The following ECT2 variants were observed in gnomAD, a reference collection of about 807,000 sequenced individuals.
ECT2 encodes epithelial cell transforming 2, also known as protein ECT2.
Under a neutral mutation model 116.9 loss-of-function variants are expected in ECT2, and 61 were observed. The observed-to-expected ratio is 0.52, with a 90% CI of 0.42 to 0.65. The LOEUF is 0.65. Ranked by LOEUF, ECT2 falls within the 30% of genes least tolerant of loss-of-function variation. The pLI, the probability that ECT2 is intolerant of heterozygous loss-of-function variation, is 0.00. For missense variants in ECT2, 937 were observed against 1,078.7 expected, an observed-to-expected ratio of 0.87 and a Z score of 1.84; for synonymous variants, 358 against 346.4, an observed-to-expected ratio of 1.03 and a Z score of -0.37.
At chr3:172,824,890 C>CA (rs71162316), downstream of ECT2, among the ~76,000 whole-genome samples, 1 of 150,848 alleles carries the variant, frequency 6.6e-6, no homozygotes, top group South Asian at 2.1e-4. Flanking sequence ...GCAAAACAAA[C>CA]AAAAAAACTA....
chr3:172,785,660 A>G (rs1157630686), intron 17 of ECT2, among the ~76,000 whole-genome samples: 1 of 152,186 alleles, frequency 6.6e-6, no homozygotes, highest in Non-Finnish European at 1.5e-5. Context: ...TATTTTCTGT[A>G]AAAATCTTGG....
At chr3:172,791,015 T>A (rs1028024096) in intron 18 of ECT2, among the ~76,000 whole-genome samples, 4 of 152,128 alleles carry the variant, frequency 2.6e-5, no homozygotes, top group Admixed American at 6.5e-5. Context: ...ATTAGCTGGG[T>A]GTGATGATGC....
At chr3:172,760,086 G>C in intron 6 of ECT2, 70 bp from the exon 7 acceptor site, 1 of 886,632 alleles carries the variant, frequency 1.1e-6, no homozygotes, top group Non-Finnish European at 1.7e-6. Flanking sequence ...TGCTAAATGT[G>C]GGGTAAACAT....
Position 172,786,544 on chromosome 3 carries a change from A to G in ECT2, c.1877A>G (p.Lys626Arg), listed in dbSNP as rs1723637938. 1 of 1,610,904 alleles carries G rather than the reference A, an allele frequency of 6.2e-7. No homozygotes were observed. The highest frequency in any genetic ancestry group is 8.5e-7 in the Non-Finnish European group (1 of 1,177,994). The part of the protein sequence containing the change: ...DENPDKSTLE[K>R]AIGSLKEVMT... ...AATCCAGACAAAAGCACTTTAGAAA[A>G]AGCTATTGGATCACTGAAGGAAGTA... is the stretch of plus-strand genomic sequence containing the variant. Residue 626 changes from lysine to arginine, a missense_variant, in exon 18 of 25, where the codon AAA becomes AGA. Lys to Arg is a conservative substitution (Grantham distance 26). Coordinates refer to ENST00000392692, the MANE Select transcript of ECT2 (RefSeq NM_001258315.2).
chr3:172,783,751 G>T, intron 15 of ECT2, 48 bp from the exon 16 acceptor site: 1 of 1,212,516 alleles, frequency 8.2e-7, no homozygotes, highest in South Asian at 1.3e-5. Context: ...TTGTCTCTAA[G>T]GGTGACAAAT....
At chr3:172,760,432 CTTTCTTTTCT>C (rs201951082) in intron 7 of ECT2, among the ~76,000 whole-genome samples, 169 bp downstream of exon 7, 18 of 151,672 alleles carry the variant, frequency 1.2e-4, no homozygotes, top group Non-Finnish European at 2.1e-4. Context: ...GTTAAATTTT[CTTTCTTTTCT>C]TTTCTTTTCT....
intron 18 of ECT2, among the ~76,000 whole-genome samples, chr3:172,797,281 G>C (rs13060628): frequency 7.3e-5 from 11 of 151,472 alleles, no homozygotes; most frequent in Non-Finnish European, 1.0e-4. Context: ...GCAATCCACC[G>C]GCCTAGGTCT....
intron 21 of ECT2, 79 bp from the exon 22 acceptor site, chr3:172,807,691 C>A: frequency 1.4e-6 from 2 of 1,468,062 alleles, no homozygotes; most frequent in South Asian, 1.4e-5. Context: ...TTTCATTGCT[C>A]TGAGGGAACT....
rs779109199 is a variant in ECT2, at chr3:172,802,923, G to T, written c.2049G>T (p.Glu683Asp). ...GGGTTGAAACAATTTCTCTAGGTGA[G>T]CACCCCTGTGACAGAGGAGAACAAG... ...VQRVETISLG[E>D]HPCDRGEQVT... The change falls in exon 20 of 25, where the codon GAG (glutamate) becomes GAT (aspartate). Residue 683 changes from glutamate to aspartate, a missense_variant. By Grantham distance (45) the Glu-to-Asp change is conservative. Transcript: ENST00000392692. 8 of 1,613,074 alleles carry T rather than the reference G, an allele frequency of 5.0e-6. No homozygotes were observed. In the African/African-American group the frequency reaches 9.3e-5, roughly 19 times the overall value.
chr3:172,759,115 T>C (rs560201323), intron 6 of ECT2, 46 bp downstream of exon 6: 1 of 1,375,104 alleles, frequency 7.3e-7, no homozygotes, highest in Non-Finnish European at 1.0e-6. Context: ...TACAGCAAAA[T>C]AAATTAAAAT....
chr3:172,768,892 ATGGTGG>A, intron 12 of ECT2, 109 bp from the exon 13 acceptor site: 1 of 1,207,692 alleles, frequency 8.3e-7, no homozygotes. Context: ...GGAAATCTGT[ATGGTGG>A]TACATTTATA....
intron 24 of ECT2, among the ~76,000 whole-genome samples, chr3:172,819,208 T>C (rs1730306768): frequency 6.6e-6 from 1 of 152,146 alleles, no homozygotes; most frequent in Non-Finnish European, 1.5e-5. Flanking sequence ...GATACTTGAA[T>C]GGTTATACTT....
chr3:172,781,336 A>G (rs1202244006), intron 14 of ECT2, among the ~76,000 whole-genome samples: 2 of 152,208 alleles, frequency 1.3e-5, no homozygotes, highest in Non-Finnish European at 2.9e-5. Context: ...GCTTCCAGAA[A>G]ACAACTGTAT....
At chr3:172,768,973 T>C (rs748797871) in intron 12 of ECT2, 34 bp from the exon 13 acceptor site, 5 of 1,539,914 alleles carry the variant, frequency 3.2e-6, no homozygotes, top group Non-Finnish European at 3.5e-6. Context: ...TATATTTGGC[T>C]TCCATTAAAT....
intron 22 of ECT2, 134 bp from the exon 23 acceptor site, chr3:172,815,470 A>T: frequency 1.7e-6 from 1 of 573,098 alleles, no homozygotes; most frequent in Non-Finnish European, 3.1e-6. Flanking sequence ...TCAGGGTAGA[A>T]GTTATATCAA....
intron 9 of ECT2, 49 bp downstream of exon 9, chr3:172,762,595 C>T: frequency 4.4e-6 from 7 of 1,575,498 alleles, no homozygotes; most frequent in African/African-American, 1.4e-5. Context: ...GTCCCTAGGC[C>T]TGCTTAATCA....
chr3:172,803,375 A>G (rs1197266913), intron 20 of ECT2, among the ~76,000 whole-genome samples: 2 of 152,184 alleles, frequency 1.3e-5, no homozygotes, highest in African/African-American at 4.8e-5. Flanking sequence ...GAGGGAGATA[A>G]CTTGATAATT....
the ECT2 span, among the ~76,000 whole-genome samples, chr3:172,826,855 A>G: frequency 2.8e-4 from 43 of 152,358 alleles, no homozygotes; most frequent in African/African-American, 1.0e-3. Flanking sequence ...CAAAGTGAAG[A>G]GACAGTCACA....
At position 172,820,582 on chromosome 3, in the gene ECT2, A is replaced by G. The variant is rs79431854; in HGVS notation, c.*345A>G. The G allele has an allele frequency of 2.2e-4, 37 of 168,432 alleles. No individual in the cohort carries two copies. Among genetic ancestry groups the G allele is most frequent in the African/African-American group, 8.8e-4 (37 of 42,026 alleles). The allele number at this position is 168,432 out of a possible 1,614,324, so 10.4% of individuals were successfully genotyped here. A position where few individuals can be genotyped will look rare whatever the true frequency, so the allele number is the denominator to read the frequency against. Reference sequence around the variant, plus strand: ...GGGCGGGTGCCAAATACTGCTGTGAATCTATTTGTATAGTATCCATGAATG... The same window carrying G: ...GGGCGGGTGCCAAATACTGCTGTGAGTCTATTTGTATAGTATCCATGAATG... On this transcript the variant is annotated 3_prime_UTR_variant, in exon 25 of 25. Transcript: ENST00000392692.
Sources: allele counts gnomAD v4.1 joint callset (sites outside exome capture counted in the v4.1 genomes callset), GRCh38; gene constraint gnomAD v4.1.1; transcripts MANE v1.5; gene names NCBI Gene and HGNC (gene_info 2026-07-23, HGNC 2026-07-21).